ANGPT1: variants seen among roughly 807,000 people sequenced by gnomAD.
The protein encoded by ANGPT1 is angiopoietin-1.
Under a neutral mutation model 62.2 loss-of-function variants are expected in ANGPT1, and 17 were observed. The ratio of observed to expected loss-of-function variants is 0.27; its 90% CI spans 0.19 to 0.41. The LOEUF is 0.41. Among genes scored for constraint, ANGPT1 ranks in the 10% least tolerant of loss-of-function variants. ANGPT1 has a pLI of 1.00. For synonymous variants in ANGPT1, 199 were observed against 198.9 expected (o/e 1.00, Z 0.00); for missense variants, 478 against 594.9 (o/e 0.80, Z 2.04).
chr8:107,471,727 C>T (rs548226777), intron 1 of ANGPT1, among the ~76,000 whole-genome samples: 56 of 152,128 alleles, frequency 3.7e-4, no homozygotes, highest in South Asian at 2.5e-3. Flanking sequence ...GCAAGCACTG[C>T]TTAGCTTAGC....
intron 3 of ANGPT1, among the ~76,000 whole-genome samples, chr8:107,327,692 T>C (rs1277682272): frequency 6.6e-6 from 1 of 151,924 alleles, no homozygotes; most frequent in Admixed American, 6.6e-5. Flanking sequence ...AAGGAGAGAG[T>C]TTCTCACAGG....
chr8:107,484,085 CA>C (rs983528258), intron 1 of ANGPT1, among the ~76,000 whole-genome samples: 53 of 152,288 alleles, frequency 3.5e-4, no homozygotes, highest in African/African-American at 1.2e-3. Flanking sequence ...CAAAAACTTA[CA>C]AGACATCATC....
chr8:107,369,179 C>A (rs553012281), intron 1 of ANGPT1, among the ~76,000 whole-genome samples: 1 of 152,308 alleles, frequency 6.6e-6, no homozygotes, highest in South Asian at 2.1e-4. Context: ...GTTTCTACAT[C>A]GGCACTTGCT....
intron 7 of ANGPT1, among the ~76,000 whole-genome samples, chr8:107,279,266 T>C (rs1163942333): frequency 6.6e-6 from 1 of 152,186 alleles, no homozygotes; most frequent in African/African-American, 2.4e-5. Context: ...CAGGTAAAGG[T>C]AGTTCTATTG....
At position 107,254,917 on chromosome 8, in the gene ANGPT1, A is replaced by T. The variant is rs149165292; in HGVS notation, c.1337-2902T>A. Among the ~76,000 whole-genome samples the T allele has an allele frequency of 2.6e-4, 39 of 152,262 alleles. No homozygotes were observed. In the East Asian group the frequency reaches 7.2e-3, roughly 28 times the overall value. On this transcript the variant is annotated intron_variant, in intron 8 of 8. Coordinates refer to ENST00000517746, the MANE Select transcript of ANGPT1 (RefSeq NM_001146.5). ...GATCTGCTAGGTTAAATGTTTAATC[A>T]AACATGGTTTAGAGTCCTCATTCTC... is the stretch of plus-strand genomic sequence containing the variant.
intron 1 of ANGPT1, among the ~76,000 whole-genome samples, chr8:107,368,179 G>A (rs1355562240): frequency 6.6e-6 from 1 of 152,184 alleles, no homozygotes; most frequent in East Asian, 1.9e-4. Context: ...GATGGATATT[G>A]TGTTAGCAGG....
At chr8:107,434,108 GT>G (rs1333865079) in intron 1 of ANGPT1, among the ~76,000 whole-genome samples, 1 of 152,192 alleles carries the variant, frequency 6.6e-6, no homozygotes, top group Non-Finnish European at 1.5e-5. Context: ...TATTTGAGCT[GT>G]TATCAATAGA....
intron 2 of ANGPT1, among the ~76,000 whole-genome samples, chr8:107,338,610 G>A (rs1449221639): frequency 1.3e-5 from 2 of 152,162 alleles, no homozygotes; most frequent in East Asian, 1.9e-4. Context: ...GTTTGTAAAG[G>A]GTTTCAGCGT....
In ANGPT1 at chr8:107,407,852, C is replaced by T. The variant is rs950648695; in HGVS notation, c.298-60755G>A. Among the ~76,000 whole-genome samples the T allele has an allele frequency of 3.3e-5, 5 of 152,152 alleles. No individual in the cohort carries two copies. In the East Asian group the frequency reaches 5.8e-4, roughly 18 times the overall value. ...TCAATTTTGCATCTTGCTAGTTGTT[C>T]CAGAGAAAGATTGGACAGAAAGAGA... On this transcript the variant is annotated intron_variant, in intron 1 of 8. Transcript: ENST00000517746.
chr8:107,388,626 T>A (rs1467148298), intron 1 of ANGPT1, among the ~76,000 whole-genome samples: 1 of 152,128 alleles, frequency 6.6e-6, no homozygotes. Context: ...TTATGGACTT[T>A]GCATAGCATA....
intron 3 of ANGPT1, 52 bp downstream of exon 3, chr8:107,336,098 A>T: frequency 1.3e-6 from 2 of 1,508,730 alleles, no homozygotes; most frequent in Non-Finnish European, 8.8e-7. Flanking sequence ...AGAGAGGTGA[A>T]GGATATAAAT....
intron 1 of ANGPT1, among the ~76,000 whole-genome samples, chr8:107,475,826 C>G (rs1812508944): frequency 6.6e-6 from 1 of 152,116 alleles, no homozygotes; most frequent in East Asian, 1.9e-4. Flanking sequence ...GCAACAGACA[C>G]ATGAAAAAAT....
intron 1 of ANGPT1, among the ~76,000 whole-genome samples, chr8:107,402,552 T>C (rs2130334565): frequency 6.6e-6 from 1 of 152,334 alleles, no homozygotes; most frequent in Non-Finnish European, 1.5e-5. Context: ...CTATTAATTT[T>C]ACAGCTGTTA....
chr8:107,406,683 C>A (rs1436176635), intron 1 of ANGPT1, among the ~76,000 whole-genome samples: 2 of 151,946 alleles, frequency 1.3e-5, no homozygotes, highest in Non-Finnish European at 2.9e-5. Flanking sequence ...TCAGCAAATA[C>A]TTTTCTGTGC....
intron 1 of ANGPT1, among the ~76,000 whole-genome samples, chr8:107,383,598 G>A (rs924103725): frequency 6.6e-6 from 1 of 152,080 alleles, no homozygotes; most frequent in Non-Finnish European, 1.5e-5. Flanking sequence ...GGCACTTACC[G>A]ACACACAACA....
chr8:107,339,906 A>G (rs1174049837), intron 2 of ANGPT1, among the ~76,000 whole-genome samples: 12 of 152,330 alleles, frequency 7.9e-5, no homozygotes, highest in Admixed American at 7.2e-4. Flanking sequence ...GAAGGAGTCC[A>G]ATATCAGAAG....
intron 1 of ANGPT1, among the ~76,000 whole-genome samples, chr8:107,382,354 A>C (rs1169244871): frequency 6.6e-6 from 1 of 152,124 alleles, no homozygotes; most frequent in East Asian, 1.9e-4. Context: ...CACATACAAT[A>C]GCAGAGTATC....
rs754408094 is a variant in ANGPT1, at chr8:107,322,024, G to A, written c.680C>T (p.Thr227Ile). The change falls in exon 4 of 9, where the codon ACA becomes ATA. Residue 227 changes from threonine to isoleucine, a missense_variant. Thr to Ile is a moderately conservative substitution (Grantham distance 89). Transcript: ENST00000517746. ...ENLQGLVTRQ[T>I]YIIQELEKQL... ...CTTTTCCAGCTCCTGGATTATATAT[G>A]TTTGACGAGTAACCAAGCCTTGAAG... 1 of 1,613,888 alleles carries A rather than the reference G, an allele frequency of 6.2e-7. No homozygotes were observed. Among genetic ancestry groups the A allele is most frequent in the Non-Finnish European group, 8.5e-7 (1 of 1,179,892 alleles).
intron 1 of ANGPT1, among the ~76,000 whole-genome samples, chr8:107,456,698 C>T (rs948411189): frequency 6.6e-6 from 1 of 151,960 alleles, no homozygotes; most frequent in African/African-American, 2.4e-5. Flanking sequence ...ACTTTAGTGG[C>T]ATTTTTCTAA....
Sources: gnomAD v4.1 joint callset for allele counts (sites outside exome capture counted in the v4.1 genomes callset) on GRCh38, gnomAD v4.1.1 for gene constraint, MANE v1.5 for transcripts, NCBI Gene and HGNC (gene_info 2026-07-23, HGNC 2026-07-21) for gene names.